GDF1: variants seen among roughly 807,000 people sequenced by gnomAD.
The protein encoded by GDF1 is embryonic growth/differentiation factor 1.
In GDF1, 8 loss-of-function variants were observed where a neutral mutation model predicts 7.4. The ratio of observed to expected loss-of-function variants is 1.09; its 90% CI spans 0.64 to 1.96. The LOEUF (loss-of-function observed/expected upper bound fraction) is 1.96, where lower values mean the gene tolerates loss of function less well. GDF1 is among the 30% of genes most tolerant of loss of function. The pLI is 0.00. For synonymous variants in GDF1, 311 were observed against 276.7 expected, an observed-to-expected ratio of 1.12 and a Z score of -1.23; for missense variants, 574 against 551.5, an observed-to-expected ratio of 1.04 and a Z score of -0.41.
At chr19:18,871,284 T>C (rs905446692) in intron 6 of GDF1, among the ~76,000 whole-genome samples, 1 of 147,314 alleles carries the variant, frequency 6.8e-6, no homozygotes, top group African/African-American at 2.5e-5. Context: ...TGGAGTGTGG[T>C]GGCACAATCT....
intron 2 of GDF1, among the ~76,000 whole-genome samples, chr19:18,888,273 C>T (rs537078757): frequency 3.1e-4 from 47 of 149,366 alleles, no homozygotes; most frequent in Middle Eastern, 3.4e-3. Flanking sequence ...GCAGGAGAAT[C>T]GCTTGAACCT....
Position 18,884,088 on chromosome 19 carries a change from G to A in GDF1, c.-734C>T, listed in dbSNP as rs780960529. 5.6e-6 allele frequency: 9 copies of A among 1,611,450 alleles called. No individual in the cohort carries two copies. The highest frequency in any genetic ancestry group is 2.2e-5 in the South Asian group (2 of 90,804). On this transcript the variant is annotated splice_region_variant and 5_prime_UTR_variant, in exon 3 of 8. Coordinates refer to ENST00000247005, the MANE Select transcript of GDF1 (RefSeq NM_001492.6). The stretch of plus-strand genomic sequence containing the variant: ...CCTGCCACCCGATCCTGTCCTTACC[G>A]GAAGGCGTAGGAGGAGACGATGAGG...
intron 4 of GDF1, 92 bp from the exon 5 acceptor site, chr19:18,879,480 C>A: frequency 6.9e-7 from 1 of 1,442,046 alleles, no homozygotes; most frequent in Non-Finnish European, 9.3e-7. Flanking sequence ...ACCCTTGCCC[C>A]CTTATCCCAT....
chr19:18,876,527 T>G (rs528850789), intron 6 of GDF1, among the ~76,000 whole-genome samples: 1 of 121,874 alleles, frequency 8.2e-6, no homozygotes, highest in South Asian at 3.0e-4. Flanking sequence ...TTGTTTTGTT[T>G]TGATTGGGTT....
chr19:18,869,433 G>A (rs2055921209), intron 7 of GDF1, 43 bp from the exon 8 acceptor site: 5 of 1,519,000 alleles, frequency 3.3e-6, no homozygotes, highest in Admixed American at 2.0e-5. Context: ...CTGCGTCCCC[G>A]GCCTGCCCAT....
intron 2 of GDF1, 24 bp downstream of exon 2, chr19:18,893,392 C>G (rs749942853): frequency 6.3e-7 from 1 of 1,586,170 alleles, no homozygotes; most frequent in Non-Finnish European, 8.6e-7. Flanking sequence ...AGAGCCCTCC[C>G]GGCCATCCCC....
rs919746080 is a variant in GDF1, at chr19:18,870,447, G to A, written c.-140C>T. The A allele has an allele frequency of 2.3e-6, 2 of 853,912 alleles. No homozygotes were observed. The highest frequency in any genetic ancestry group is 1.7e-5 in the African/African-American group (1 of 57,152). 52.9% of individuals were successfully genotyped at this position (853,912 alleles called of 1,614,324 possible). A position where few individuals can be genotyped will look rare whatever the true frequency, so the allele number is the denominator to read the frequency against. On this transcript the variant is annotated 5_prime_UTR_variant, in exon 7 of 8. Coordinates refer to ENST00000247005, the MANE Select transcript of GDF1 (RefSeq NM_001492.6). This position sits in a 1 kb window ranked among gnomAD's most constrained non-coding sequence, Gnocchi z 5.1. ...GGAACTGGAGGCAGGATGAGGGGGC[G>A]GGGTCCCAGGGGAGGTGGCGGCGGC...
At chr19:18,881,833 T>G (rs1475339333) in intron 3 of GDF1, 1 of 152,180 alleles carries the variant, frequency 6.6e-6, no homozygotes, top group African/African-American at 2.4e-5. Context: ...CCACAATTTT[T>G]TTTTGGAGAC....
At position 18,868,547 on chromosome 19, in the gene GDF1, G is replaced by A. The variant is rs774738278; in HGVS notation, c.*50C>T. On this transcript the variant is annotated 3_prime_UTR_variant, in exon 8 of 8. Coordinates refer to ENST00000247005, the MANE Select transcript of GDF1 (RefSeq NM_001492.6). Reference sequence around the variant, plus strand: ...CAAGGAGTCCAAGGAGACCAGCGGAGCAGACCACGCGGCATTTATTGTTGG... The same window carrying A: ...CAAGGAGTCCAAGGAGACCAGCGGAACAGACCACGCGGCATTTATTGTTGG... 3 of 1,419,890 alleles carry A rather than the reference G, an allele frequency of 2.1e-6. No homozygotes were observed. Among genetic ancestry groups the A allele is most frequent in the Admixed American group, 4.0e-5 (2 of 50,536 alleles). The allele number at this position is 1,419,890 out of a possible 1,614,324, so 88.0% of individuals were successfully genotyped here.
intron 2 of GDF1, among the ~76,000 whole-genome samples, chr19:18,891,618 C>G (rs1286024388): frequency 6.6e-6 from 1 of 152,186 alleles, no homozygotes; most frequent in Non-Finnish European, 1.5e-5. Flanking sequence ...CGCTCTGTTG[C>G]CCAGGCTGGA....
At chr19:18,890,419 G>T (rs1272013806) in intron 2 of GDF1, among the ~76,000 whole-genome samples, 3 of 152,228 alleles carry the variant, frequency 2.0e-5, no homozygotes, top group Non-Finnish European at 2.9e-5. Flanking sequence ...CTCAGCTGTG[G>T]CATACAGTAG....
intron 2 of GDF1, among the ~76,000 whole-genome samples, chr19:18,887,457 C>T (rs1238244140): frequency 1.3e-5 from 2 of 152,156 alleles, no homozygotes; most frequent in Non-Finnish European, 2.9e-5. Context: ...TGTGAATGGA[C>T]TAAAAGCTGA....
At chr19:18,880,026 C>T (rs902254274) in intron 4 of GDF1, among the ~76,000 whole-genome samples, 2 of 151,872 alleles carry the variant, frequency 1.3e-5, no homozygotes, top group African/African-American at 2.4e-5. Context: ...ATCCACCCAC[C>T]TCACCTGGCT....
chr19:18,887,072 A>T (rs1242987025), intron 2 of GDF1, among the ~76,000 whole-genome samples: 1 of 152,276 alleles, frequency 6.6e-6, no homozygotes, highest in African/African-American at 2.4e-5. Flanking sequence ...CCCTGTCTAC[A>T]GCAGCACACA....
intron 6 of GDF1, among the ~76,000 whole-genome samples, chr19:18,872,541 G>T (rs376751643): frequency 8.9e-5 from 13 of 146,658 alleles, no homozygotes; most frequent in African/African-American, 3.3e-4. Flanking sequence ...TTGAGACGAA[G>T]TCTCGCTCTT....
At chr19:18,876,173 A>T (rs1262435815) in intron 6 of GDF1, among the ~76,000 whole-genome samples, 3 of 151,924 alleles carry the variant, frequency 2.0e-5, no homozygotes. Context: ...TTTAGTAGAG[A>T]TGGGGTTTCA....
intron 2 of GDF1, among the ~76,000 whole-genome samples, chr19:18,888,893 T>C (rs868054322): frequency 0.02 from 2,899 of 146,282 alleles, 41 homozygotes; most frequent in African/African-American, 0.035. Context: ...TTCTTTCTTT[T>C]TTTTTTTTTT....
intron 2 of GDF1, among the ~76,000 whole-genome samples, chr19:18,884,556 T>C (rs1449101667): frequency 6.6e-6 from 1 of 151,742 alleles, no homozygotes; most frequent in African/African-American, 2.4e-5. Flanking sequence ...TACAGGTGCA[T>C]GCCACCAAGC....
chr19:18,894,680 G>A (rs2056582402), intron 1 of GDF1, among the ~76,000 whole-genome samples: 1 of 152,132 alleles, frequency 6.6e-6, no homozygotes, highest in South Asian at 2.1e-4. Context: ...GACCCAGGGA[G>A]GGGCCCTGGA....
Sources: gnomAD v4.1 joint callset for allele counts (sites outside exome capture counted in the v4.1 genomes callset) on GRCh38, gnomAD v4.1.1 for gene constraint, Gnocchi (gnomAD v3.1) non-coding constraint, MANE v1.5 for transcripts, NCBI Gene and HGNC (gene_info 2026-07-23, HGNC 2026-07-21) for gene names.